RALGPS1: variants seen among roughly 807,000 people sequenced by gnomAD.
The protein encoded by RALGPS1 is Ral GEF with PH domain and SH3 binding motif 1.
A neutral mutation model predicts 78.8 loss-of-function variants in RALGPS1; 19 were observed. That is an observed-to-expected ratio of 0.24 (90% CI 0.17 to 0.35). The LOEUF (loss-of-function observed/expected upper bound fraction) is 0.35. RALGPS1 is among the 10% of genes least tolerant of loss of function. The probability of loss-of-function intolerance (pLI) is 1.00; values close to 1 mark genes in which losing one functional copy is unlikely to be tolerated. For missense variants in RALGPS1, 454 were observed against 688.3 expected (o/e 0.66, Z 3.81); for synonymous variants, 228 against 256.3 (o/e 0.89, Z 1.06).
intron 8 of RALGPS1, among the ~76,000 whole-genome samples, chr9:127,128,708 G>A (rs1049321571): frequency 6.6e-6 from 1 of 152,228 alleles, no homozygotes; most frequent in Non-Finnish European, 1.5e-5. Flanking sequence ...GTCAGGTCCT[G>A]TGACTCTCCG....
intron 4 of RALGPS1, among the ~76,000 whole-genome samples, chr9:126,994,321 A>C (rs2042539567): frequency 1.3e-5 from 2 of 152,232 alleles, no homozygotes; most frequent in South Asian, 4.1e-4. Flanking sequence ...TAACCAATGC[A>C]GAGAAGTCCT....
chr9:127,048,524 A>G (rs2048015626), intron 5 of RALGPS1, among the ~76,000 whole-genome samples: 1 of 152,188 alleles, frequency 6.6e-6, no homozygotes, highest in Admixed American at 6.5e-5. Context: ...CCACACACCG[A>G]AGGGGCTTCA....
chr9:126,958,858 C>T (rs2132021287), intron 1 of RALGPS1, among the ~76,000 whole-genome samples: 1 of 152,248 alleles, frequency 6.6e-6, no homozygotes, highest in East Asian at 1.9e-4. Context: ...TTCAAAGTGC[C>T]TGTGCCATTC....
intron 3 of RALGPS1, among the ~76,000 whole-genome samples, chr9:126,968,507 T>C (rs1230284220): frequency 6.6e-6 from 1 of 152,250 alleles, no homozygotes; most frequent in African/African-American, 2.4e-5. Context: ...TGAACACTGA[T>C]TATGTCTAGG....
chr9:127,026,385 C>T lies in RALGPS1; in HGVS notation c.217-8046C>T, dbSNP rs144033184. Among the ~76,000 whole-genome samples, 792 of 152,286 alleles carry T rather than the reference C, an allele frequency of 5.2e-3. 1 individual carries two copies. Among genetic ancestry groups the T allele is most frequent in the Non-Finnish European group, 8.4e-3 (572 of 68,026 alleles). On this transcript the variant is annotated intron_variant, in intron 4 of 18. Coordinates refer to ENST00000259351, the MANE Select transcript of RALGPS1 (RefSeq NM_014636.3). ...AAATGTTAATCTCCTTTGGCAACAC[C>T]CTCACAGACACACGCAGGATCAATA...
Position 127,205,115 on chromosome 9 carries a change from C to T in RALGPS1, c.1247+6049C>T, listed in dbSNP as rs953393501. Among the ~76,000 whole-genome samples, 1 of 152,212 alleles carries T rather than the reference C, an allele frequency of 6.6e-6. No individual in the cohort carries two copies. The highest frequency in any genetic ancestry group is 1.9e-4 in the East Asian group (1 of 5,194). ...ATTCTTCCCCTGAGTCTGGTGTCCT[C>T]GGGTTCATTCTGCTGCCTGGTGCCT... On this transcript the variant is annotated intron_variant, in intron 14 of 18. Transcript: ENST00000259351. This position sits in a 1 kb window ranked among gnomAD's most constrained non-coding sequence, Gnocchi z 4.0.
At chr9:127,096,885 C>T (rs1467952995) in intron 8 of RALGPS1, among the ~76,000 whole-genome samples, 6 of 152,174 alleles carry the variant, frequency 3.9e-5, no homozygotes, top group Non-Finnish European at 8.8e-5. Flanking sequence ...CCACAGGTGA[C>T]CCTCCTGACA....
At position 126,922,874 on chromosome 9, in the gene RALGPS1, T is replaced by C. The variant is rs2119802936; in HGVS notation, c.-66+7899T>C. 2.0e-5 allele frequency among the ~76,000 whole-genome samples: 3 copies of C among 152,362 alleles called. 1 individual carries two copies. The East Asian group carries it at 5.8e-4, about 29-fold the overall frequency. ...TTGCTTAAAAGCCTCCAGTGGCTTC[T>C]AATTTCTGTCAGAAAAAAGACCACA... On this transcript the variant is annotated intron_variant, in intron 1 of 18. Transcript: ENST00000259351.
At chr9:127,079,280 C>A (rs1424417271) in intron 8 of RALGPS1, among the ~76,000 whole-genome samples, 1 of 152,140 alleles carries the variant, frequency 6.6e-6, no homozygotes, top group Admixed American at 6.5e-5. Context: ...TCCTCTTGTA[C>A]CTGGGCTGGC....
Position 127,218,849 on chromosome 9 carries a change from C to G in RALGPS1, c.*80C>G. 1 of 1,491,138 alleles carries G rather than the reference C, an allele frequency of 6.7e-7. No individual in the cohort carries two copies. The highest frequency in any genetic ancestry group is 9.4e-7 in the Non-Finnish European group (1 of 1,068,388). 92.4% of individuals were successfully genotyped at this position (1,491,138 alleles called of 1,614,324 possible). ...TGGTGGTGAAGAGCAGTCCTGGGCACAGGCTGTGAGCCAGGGTGCTGGGAA... is the reference window on the plus strand; with the variant it reads ...TGGTGGTGAAGAGCAGTCCTGGGCAGAGGCTGTGAGCCAGGGTGCTGGGAA... On this transcript the variant is annotated 3_prime_UTR_variant, in exon 19 of 19. Coordinates refer to ENST00000259351, the MANE Select transcript of RALGPS1 (RefSeq NM_014636.3). The surrounding 1 kb of genome is among the most constrained non-coding windows in gnomAD (Gnocchi z 4.4).
intron 1 of RALGPS1, among the ~76,000 whole-genome samples, chr9:126,920,897 G>A (rs1450992082): frequency 1.3e-5 from 2 of 152,158 alleles, no homozygotes; most frequent in African/African-American, 4.8e-5. Context: ...AGGCAGACCC[G>A]GGTTCAAATC....
intron 8 of RALGPS1, among the ~76,000 whole-genome samples, chr9:127,129,503 C>CCG (rs2056863411): frequency 6.6e-6 from 1 of 152,180 alleles, no homozygotes; most frequent in African/African-American, 2.4e-5. Flanking sequence ...AAAGACCAGC[C>CCG]AAGCTGTTGC....
chr9:126,997,914 T>A (rs915555596), intron 4 of RALGPS1, among the ~76,000 whole-genome samples: 1 of 152,284 alleles, frequency 6.6e-6, no homozygotes, highest in South Asian at 2.1e-4. Flanking sequence ...AAACAAGCAA[T>A]GGGGAAAGGA....
At chr9:126,951,708 T>G (rs1341177455) in intron 1 of RALGPS1, among the ~76,000 whole-genome samples, 1 of 152,204 alleles carries the variant, frequency 6.6e-6, no homozygotes, top group African/African-American at 2.4e-5. Flanking sequence ...CCACAGCCAT[T>G]GTCATACTGA....
intron 8 of RALGPS1, chr9:127,093,941 AT>A: frequency 6.2e-7 from 1 of 1,611,814 alleles, no homozygotes. Context: ...GGACACAGAC[AT>A]GCATATACAT....
chr9:126,951,953 A>T (rs551207839), intron 1 of RALGPS1, among the ~76,000 whole-genome samples: 84 of 152,362 alleles, frequency 5.5e-4, no homozygotes, highest in African/African-American at 2.0e-3. Context: ...CCTTAAGCTG[A>T]TAAGCAACTT....
At chr9:127,141,879 A>G (rs924629001) in intron 8 of RALGPS1, among the ~76,000 whole-genome samples, 1 of 152,190 alleles carries the variant, frequency 6.6e-6, no homozygotes, top group Non-Finnish European at 1.5e-5. Flanking sequence ...TAAATGAATC[A>G]TTGATATGAG....
intron 1 of RALGPS1, among the ~76,000 whole-genome samples, chr9:126,917,918 C>T (rs756605989): frequency 1.7e-4 from 26 of 152,226 alleles, no homozygotes; most frequent in Middle Eastern, 3.4e-3. Flanking sequence ...GTTAGCATGC[C>T]GTCATCTTTT....
chr9:127,036,373 G>A (rs1165573984), intron 5 of RALGPS1, among the ~76,000 whole-genome samples: 2 of 152,202 alleles, frequency 1.3e-5, no homozygotes, highest in Non-Finnish European at 2.9e-5. Flanking sequence ...AGACTCATCA[G>A]ACTCCAAATA....
Sources: gnomAD v4.1 joint callset for allele counts (sites outside exome capture counted in the v4.1 genomes callset) on GRCh38, gnomAD v4.1.1 for gene constraint, Gnocchi (gnomAD v3.1) non-coding constraint, MANE v1.5 for transcripts, NCBI Gene and HGNC (gene_info 2026-07-23, HGNC 2026-07-21) for gene names.